ADAM32: variants seen among roughly 807,000 people sequenced by gnomAD.
The protein encoded by ADAM32 is ADAM metallopeptidase domain 32, also known as disintegrin and metalloproteinase domain-containing protein 32.
A neutral mutation model predicts 114.9 loss-of-function variants in ADAM32; 89 were observed. The ratio of observed to expected loss-of-function variants is 0.77; its 90% CI spans 0.65 to 0.92. The LOEUF (loss-of-function observed/expected upper bound fraction) is 0.92. Among genes scored for constraint, ADAM32 ranks in the 40% least tolerant of loss-of-function variants. The pLI is 0.00. For synonymous variants in ADAM32, 285 were observed against 307.5 expected, an observed-to-expected ratio of 0.93 and a Z score of 0.77; for missense variants, 870 against 932.8, an observed-to-expected ratio of 0.93 and a Z score of 0.88.
chr8:39,281,179 GC>G lies in ADAM32; in HGVS notation c.2318+6del. 2 of 1,371,164 alleles carry G rather than the reference GC, an allele frequency of 1.5e-6. No individual in the cohort carries two copies. The highest frequency in any genetic ancestry group is 1.8e-5 in the South Asian group (1 of 54,102). 84.9% of individuals were successfully genotyped at this position (1,371,164 alleles called of 1,614,324 possible). A position where few individuals can be genotyped will look rare whatever the true frequency, so the allele number is the denominator to read the frequency against. ...TGCTGAAGCATATACTAGCAGGTAA[GC>G]AGGATAGAAAGTGTTACTTATAAAT... is the stretch of plus-strand genomic sequence containing the variant. On this transcript the variant is annotated splice_donor_region_variant and intron_variant, in intron 23 of 24. Transcript: ENST00000379907.
At chr8:39,179,451 A>C (rs1382516374) in intron 10 of ADAM32, among the ~76,000 whole-genome samples, 2 of 152,138 alleles carry the variant, frequency 1.3e-5, no homozygotes, top group Non-Finnish European at 2.9e-5. Flanking sequence ...GCATGAATGG[A>C]TCTCCCGCCT....
At chr8:39,163,178 T>C (rs189527836) in intron 7 of ADAM32, among the ~76,000 whole-genome samples, 39 of 152,304 alleles carry the variant, frequency 2.6e-4, no homozygotes, top group Admixed American at 1.0e-3. Flanking sequence ...CAACTGTAAG[T>C]TGTTATACTA....
intron 11 of ADAM32, among the ~76,000 whole-genome samples, chr8:39,190,786 G>A (rs1184376854): frequency 6.6e-6 from 1 of 152,082 alleles, no homozygotes; most frequent in Non-Finnish European, 1.5e-5. Context: ...TTTATTTTAG[G>A]TTCAGGGGTA....
chr8:39,244,885 C>T (rs1810803542), intron 16 of ADAM32, among the ~76,000 whole-genome samples: 1 of 152,090 alleles, frequency 6.6e-6, no homozygotes, highest in African/African-American at 2.4e-5. Flanking sequence ...AAATATAACA[C>T]CTGAAGCCAT....
At chr8:39,187,195 A>G (rs1320795938) in intron 11 of ADAM32, 150 bp downstream of exon 11, 15 of 688,558 alleles carry the variant, frequency 2.2e-5, no homozygotes, top group South Asian at 7.1e-5. Flanking sequence ...TAAAAGTAGT[A>G]TAAAGTATAA....
intron 12 of ADAM32, among the ~76,000 whole-genome samples, chr8:39,215,277 A>G (rs1467105717): frequency 6.6e-6 from 1 of 151,886 alleles, no homozygotes; most frequent in African/African-American, 2.4e-5. Context: ...TAGTGTGGCT[A>G]TTTCAACAAT....
intron 10 of ADAM32, among the ~76,000 whole-genome samples, chr8:39,179,357 C>G (rs554411774): frequency 3.3e-5 from 5 of 152,174 alleles, no homozygotes; most frequent in Non-Finnish European, 7.4e-5. Flanking sequence ...GCCAGTGGGT[C>G]TTAACTTGAG....
chr8:39,193,783 T>TC (rs1806757568), intron 11 of ADAM32, among the ~76,000 whole-genome samples: 1 of 152,326 alleles, frequency 6.6e-6, no homozygotes, highest in East Asian at 1.9e-4. Context: ...GGCTCAGGAT[T>TC]CCTGGACTGC....
chr8:39,275,625 A>G (rs915927631), intron 21 of ADAM32, among the ~76,000 whole-genome samples: 9 of 152,326 alleles, frequency 5.9e-5, no homozygotes, highest in Middle Eastern at 3.4e-3. Flanking sequence ...TGAAATTTAA[A>G]CTTTTTATGG....
Position 39,165,079 on chromosome 8 carries a change from G to T in ADAM32, c.716G>T (p.Trp239Leu), listed in dbSNP as rs770492562. Residue 239 changes from tryptophan (W) to leucine (L), a missense_variant, in exon 9 of 25, where the codon TGG becomes TTG. Transcript: ENST00000379907. Reference sequence around the variant, plus strand: ...ATTGTGCTGTCATCATTGGAGTTATGGTCAGATGAAAATAAGATTTCTACA... The same window carrying T: ...ATTGTGCTGTCATCATTGGAGTTATTGTCAGATGAAAATAAGATTTCTACA... ...VTIVLSSLEL[W>L]SDENKISTVG... 6.2e-7 allele frequency: 1 copy of T among 1,609,552 alleles called. No individual in the cohort carries two copies. Among genetic ancestry groups the T allele is most frequent in the Non-Finnish European group, 8.5e-7 (1 of 1,177,918 alleles).
At chr8:39,250,833 A>G (rs1464792635) in intron 17 of ADAM32, among the ~76,000 whole-genome samples, 1 of 151,872 alleles carries the variant, frequency 6.6e-6, no homozygotes, top group Non-Finnish European at 1.5e-5. Flanking sequence ...CTTTCCTCCC[A>G]TTACACATTC....
chr8:39,142,798 A>G (rs1333041345), intron 3 of ADAM32, among the ~76,000 whole-genome samples: 1 of 152,242 alleles, frequency 6.6e-6, no homozygotes, highest in South Asian at 2.1e-4. Context: ...TGAAGAGTGT[A>G]TTCTATCTTG....
chr8:39,163,971 G>A (rs1419963528), intron 7 of ADAM32, among the ~76,000 whole-genome samples: 4 of 152,048 alleles, frequency 2.6e-5, no homozygotes, highest in Non-Finnish European at 5.9e-5. Context: ...TTTCAAGAGC[G>A]ATGTATATGT....
intron 14 of ADAM32, among the ~76,000 whole-genome samples, chr8:39,230,257 A>G (rs1236907168): frequency 1.3e-5 from 2 of 152,180 alleles, no homozygotes; most frequent in Non-Finnish European, 2.9e-5. Flanking sequence ...TCACATTTGC[A>G]AAGTGCTGCC....
At chr8:39,234,141 A>G in intron 16 of ADAM32, 59 bp downstream of exon 16, 1 of 1,154,586 alleles carries the variant, frequency 8.7e-7, no homozygotes, top group Non-Finnish European at 1.1e-6. Flanking sequence ...TCATCTTTTT[A>G]TTTAAGTATC....
chr8:39,233,506 G>A (rs1809885783), intron 15 of ADAM32, among the ~76,000 whole-genome samples: 1 of 152,118 alleles, frequency 6.6e-6, no homozygotes, highest in South Asian at 2.1e-4. Flanking sequence ...CTTGGTTTTG[G>A]TAAAATTTGA....
rs570494546 is a variant in ADAM32 at position 39,191,513 on chromosome 8, G to A, written c.1052+4468G>A. On this transcript the variant is annotated intron_variant, in intron 11 of 24. Transcript: ENST00000379907. The stretch of plus-strand genomic sequence containing the variant: ...TTTCTCAAATAATCAGTGGTATGGA[G>A]CTTTTTTTCATATGCTTGTTTGCTG... 1.1e-4 allele frequency among the ~76,000 whole-genome samples: 17 copies of A among 152,204 alleles called. No individual in the cohort carries two copies. The East Asian group carries it at 3.1e-3, about 28-fold the overall frequency.
intron 10 of ADAM32, among the ~76,000 whole-genome samples, chr8:39,171,071 T>C (rs1167870353): frequency 6.6e-6 from 1 of 152,040 alleles, no homozygotes; most frequent in African/African-American, 2.4e-5. Context: ...GTAGCTGAGA[T>C]TACAGAGGTG....
intron 24 of ADAM32, 139 bp downstream of exon 24, chr8:39,283,763 C>CT: frequency 5.8e-6 from 2 of 345,968 alleles, no homozygotes; most frequent in Non-Finnish European, 4.9e-6. Context: ...ACCTATCTTT[C>CT]TTTTATTCTT....
Sources: allele counts gnomAD v4.1 joint callset (sites outside exome capture counted in the v4.1 genomes callset), GRCh38; gene constraint gnomAD v4.1.1; transcripts MANE v1.5; gene names NCBI Gene and HGNC (gene_info 2026-07-23, HGNC 2026-07-21).